Variants in MYOC observed in about 807,000 individuals in gnomAD.
MYOC encodes myocilin, also known as juvenile-onset open-angle glaucoma 1.
MYOC carries 29 observed loss-of-function variants against 28.2 expected under a neutral mutation model. That is an observed-to-expected ratio of 1.03 (90% CI 0.77 to 1.40). MYOC has a LOEUF of 1.40. Among genes scored for constraint, MYOC ranks in the 40% most tolerant of loss-of-function variants. MYOC has a pLI of 0.00. For missense variants in MYOC, 569 were observed against 620.6 expected (o/e 0.92, Z 0.88); for synonymous variants, 240 against 245.6 (o/e 0.98, Z 0.21).
In MYOC at chr1:171,639,025, G is replaced by C. The variant is rs41263716; in HGVS notation, c.605-303C>G. Among the ~76,000 whole-genome samples the C allele has an allele frequency of 0.097, 12,736 of 131,710 alleles. 538 individuals are homozygous for C. The highest frequency in any genetic ancestry group is 0.24 in the East Asian group (1,064 of 4,508). The allele number at this position is 131,710 out of a possible 152,430, so 86.4% of individuals were successfully genotyped here. The stretch of plus-strand genomic sequence containing the variant: ...GCAGGAGAATTGCTTGAACCAAGGA[G>C]GGGGAGATTGCTGTGAGCCGAGACT... On this transcript the variant is annotated intron_variant, in intron 1 of 2. Coordinates refer to ENST00000037502, the MANE Select transcript of MYOC (RefSeq NM_000261.2).
At chr1:171,639,968 A>AAT (rs1653034687) in intron 1 of MYOC, among the ~76,000 whole-genome samples, 1 of 149,380 alleles carries the variant, frequency 6.7e-6, no homozygotes, top group Non-Finnish European at 1.5e-5. Context: ...AAAAAAAAAA[A>AAT]AAAAAGAAGT....
rs1653361602 is a variant in MYOC at position 171,651,913 on chromosome 1, G to A, written c.604+95C>T. The stretch of plus-strand genomic sequence containing the variant: ...TGTGCTAGCTGTGCAGTCTCTAGGA[G>A]AAAGGGCAGGCAGGGAGGCCTGGAG... On this transcript the variant is annotated intron_variant, in intron 1 of 2. Transcript: ENST00000037502. 4 of 1,564,976 alleles carry A rather than the reference G, an allele frequency of 2.6e-6. No homozygotes were observed. The South Asian group carries it at 4.5e-5, about 17-fold the overall frequency.
At chr1:171,642,946 C>CAAGGT (rs1208096009) in intron 1 of MYOC, among the ~76,000 whole-genome samples, 1 of 150,134 alleles carries the variant, frequency 6.7e-6, no homozygotes, top group Non-Finnish European at 1.5e-5. Flanking sequence ...CATAATCTGG[C>CAAGGT]AAAGTCCTCA....
intron 1 of MYOC, among the ~76,000 whole-genome samples, chr1:171,650,373 C>A (rs1653327059): frequency 6.6e-6 from 1 of 152,206 alleles, no homozygotes; most frequent in Non-Finnish European, 1.5e-5. Context: ...ACCAGCTGGG[C>A]AACCTTGGCC....
At chr1:171,651,972 T>G (rs749242770) in intron 1 of MYOC, 36 bp downstream of exon 1, 1 of 1,614,032 alleles carries the variant, frequency 6.2e-7, no homozygotes, top group Non-Finnish European at 8.5e-7. Flanking sequence ...CCATATCACC[T>G]GCTGAACTCA....
intron 1 of MYOC, among the ~76,000 whole-genome samples, chr1:171,642,613 TAAAAAAAA>T (rs34213125): frequency 7.1e-6 from 1 of 141,784 alleles, no homozygotes; most frequent in Non-Finnish European, 1.5e-5. Flanking sequence ...GACCCTGTCT[TAAAAAAAA>T]AAAAAATTAA....
chr1:171,644,850 C>T (rs1382678371), intron 1 of MYOC, among the ~76,000 whole-genome samples: 2 of 152,138 alleles, frequency 1.3e-5, no homozygotes, highest in African/African-American at 4.8e-5. Context: ...TTAATATCCC[C>T]TTTTGCAAAT....
Position 171,635,767 on chromosome 1 carries a change from A to C in MYOC, c.*158T>G. The C allele has an allele frequency of 1.4e-6, 1 of 701,494 alleles. No individual in the cohort carries two copies. Among genetic ancestry groups the C allele is most frequent in the East Asian group, 2.7e-5 (1 of 36,972 alleles). 43.5% of individuals were successfully genotyped at this position (701,494 alleles called of 1,614,324 possible). On this transcript the variant is annotated 3_prime_UTR_variant, in exon 3 of 3. Transcript: ENST00000037502. Reference sequence around the variant, plus strand: ...CGCCCTCAGACTACAATTCCTGAATAGTTAGATGGTGACCATGTTCATCCT... The same window carrying C: ...CGCCCTCAGACTACAATTCCTGAATCGTTAGATGGTGACCATGTTCATCCT...
At chr1:171,650,272 C>A (rs867532631) in intron 1 of MYOC, among the ~76,000 whole-genome samples, 6 of 152,234 alleles carry the variant, frequency 3.9e-5, no homozygotes, top group Middle Eastern at 6.8e-3. Context: ...CTTCATTCAA[C>A]AGTCTGAAAT....
At position 171,652,284 on chromosome 1, in the gene MYOC, G is replaced by T; in HGVS notation, c.328C>A (p.Pro110Thr). The change falls in exon 1 of 3, where the codon CCC (proline) becomes ACC (threonine). Residue 110 changes from proline to threonine, a missense_variant. Pro to Thr is a conservative substitution (Grantham distance 38). Coordinates refer to ENST00000037502, the MANE Select transcript of MYOC (RefSeq NM_000261.2). ...TGCAGCCCCTCCTGGGTCTCCTGGG[G>T]CCTGGCAGCCTGGTCCAAGGTCAAT... ...HQLTLDQAAR[P>T]QETQEGLQRE... The T allele has an allele frequency of 1.2e-6, 2 of 1,613,064 alleles. No homozygotes were observed. Among genetic ancestry groups the T allele is most frequent in the South Asian group, 1.1e-5 (1 of 91,024 alleles).
At chr1:171,642,905 A>G (rs1174314607) in intron 1 of MYOC, among the ~76,000 whole-genome samples, 1 of 151,104 alleles carries the variant, frequency 6.6e-6, no homozygotes, top group African/African-American at 2.4e-5. Flanking sequence ...AAAAAAAAAA[A>G]GACACAATCA....
chr1:171,646,501 G>GTT (rs370758061), intron 1 of MYOC, among the ~76,000 whole-genome samples: 16 of 129,880 alleles, frequency 1.2e-4, no homozygotes, highest in East Asian at 4.3e-4. Context: ...TTTTTTTTTT[G>GTT]TTTTTTTTTT....
At chr1:171,639,396 C>G (rs1488891026) in intron 1 of MYOC, among the ~76,000 whole-genome samples, 1 of 152,002 alleles carries the variant, frequency 6.6e-6, no homozygotes, top group Non-Finnish European at 1.5e-5. Flanking sequence ...ACTAGAAGGG[C>G]TGGTTTGTGA....
At chr1:171,646,527 C>T (rs184132425) in intron 1 of MYOC, among the ~76,000 whole-genome samples, 115 of 144,302 alleles carry the variant, frequency 8.0e-4, no homozygotes, top group African/African-American at 2.6e-3. Context: ...GACAGGGTCT[C>T]GCTCTGTCAC....
Position 171,652,424 on chromosome 1 carries a change from T to A in MYOC, c.188A>T (p.Glu63Val). Residue 63 changes from glutamate to valine, a missense_variant, in exon 1 of 3, where the codon GAG becomes GTG. Physicochemically the swap from Glu to Val is moderately radical, Grantham distance 121. Transcript: ENST00000037502. Reference sequence around the variant, plus strand: ...GATGACTGACATGGCCTGGCTCTGCTCTGGGCAGCTGGATTCATTGGGACT... The same window carrying A: ...GATGACTGACATGGCCTGGCTCTGCACTGGGCAGCTGGATTCATTGGGACT... The part of the protein sequence containing the change: ...VASPNESSCP[E>V]QSQAMSVIHN... 6.2e-7 allele frequency: 1 copy of A among 1,614,188 alleles called. No homozygotes were observed. The highest frequency in any genetic ancestry group is 8.5e-7 in the Non-Finnish European group (1 of 1,180,030).
chr1:171,647,413 A>G (rs1436431929), intron 1 of MYOC, among the ~76,000 whole-genome samples: 2 of 152,048 alleles, frequency 1.3e-5, no homozygotes, highest in Non-Finnish European at 2.9e-5. Context: ...AATCCCAGCT[A>G]CTTGGGAGGC....
chr1:171,642,395 A>G (rs1369666852), intron 1 of MYOC, among the ~76,000 whole-genome samples: 2 of 152,096 alleles, frequency 1.3e-5, no homozygotes, highest in Admixed American at 6.6e-5. Flanking sequence ...GCAGGATTGC[A>G]TGAGGCCAAG....
Position 171,635,858 on chromosome 1 carries a change from T to G in MYOC, c.*67A>C. On this transcript the variant is annotated 3_prime_UTR_variant, in exon 3 of 3. Transcript: ENST00000037502. ...GGGCCCTGGCTGGCTGGCTCTCCCT[T>G]CAGCCTGCTCCCCCCAGGAGCCCTG... 1 of 1,574,410 alleles carries G rather than the reference T, an allele frequency of 6.4e-7. No homozygotes were observed. The highest frequency in any genetic ancestry group is 8.7e-7 in the Non-Finnish European group (1 of 1,152,942).
intron 1 of MYOC, 86 bp from the exon 2 acceptor site, chr1:171,638,808 T>C: frequency 6.6e-7 from 1 of 1,512,426 alleles, no homozygotes; most frequent in Non-Finnish European, 9.1e-7. Context: ...TTAAATAGGC[T>C]GCCGGCCAGG....
Sources: allele counts gnomAD v4.1 joint callset (sites outside exome capture counted in the v4.1 genomes callset), GRCh38; gene constraint gnomAD v4.1.1; transcripts MANE v1.5; gene names NCBI Gene and HGNC (gene_info 2026-07-23, HGNC 2026-07-21).